The following TMEM150B variants were observed in gnomAD, a reference collection of about 807,000 sequenced individuals.
TMEM150B encodes transmembrane protein 150B, also known as modulator of macroautophagy TMEM150B.
In TMEM150B, 33 loss-of-function variants were observed where a neutral mutation model predicts 25.2. The observed-to-expected ratio is 1.31, with a 90% CI of 0.99 to 1.75. The LOEUF (loss-of-function observed/expected upper bound fraction) is 1.75. TMEM150B is among the 40% of genes most tolerant of loss of function. The pLI, the probability that TMEM150B is intolerant of heterozygous loss-of-function variation, is 0.00. For missense variants in TMEM150B, 322 were observed against 306.1 expected (o/e 1.05, Z -0.39); for synonymous variants, 133 against 134.8 (o/e 0.99, Z 0.09).
At chr19:55,317,764 AGAGT>A (rs1386569057) in intron 6 of TMEM150B, among the ~76,000 whole-genome samples, 3 of 148,280 alleles carry the variant, frequency 2.0e-5, no homozygotes, top group Non-Finnish European at 4.5e-5. Flanking sequence ...CTGGGCAACA[AGAGT>A]GAGACTCCAT....
At chr19:55,312,164 A>T, downstream of TMEM150B, 5 of 573,290 alleles carry the variant, frequency 8.7e-6, no homozygotes, top group East Asian at 3.5e-5. Context: ...ACATGTCGGG[A>T]GGGGGGTGGA....
At position 55,320,119 on chromosome 19, in the gene TMEM150B, C is replaced by T. The variant is rs1026946207; in HGVS notation, c.244G>A (p.Val82Ile). The T allele has an allele frequency of 6.2e-6, 10 of 1,614,010 alleles. No homozygotes were observed. Among genetic ancestry groups the T allele is most frequent in the South Asian group, 2.2e-5 (2 of 91,078 alleles). ...ATCAGCTGGTTAGGCCACCTTCTGA[C>T]GCCCCAGTCCCGGAGCTGGTGGTAA... ...VRYHQLRDWGVRRWPNQLILW... is the reference protein window; with the variant it reads ...VRYHQLRDWGIRRWPNQLILW... Residue 82 changes from valine to isoleucine, a missense_variant, in exon 6 of 8, where the codon GTC (valine) becomes ATC (isoleucine). Transcript: ENST00000326652.
chr19:55,316,829 G>A lies in TMEM150B; in HGVS notation c.462C>T (p.Leu154=). 6.3e-7 allele frequency: 1 copy of A among 1,579,156 alleles called. No homozygotes were observed. The highest frequency in any genetic ancestry group is 8.6e-7 in the Non-Finnish European group (1 of 1,168,342). Residue 154 remains leucine (L), a synonymous_variant, in exon 7 of 8, where the codon CTC becomes CTT. Transcript: ENST00000326652. ...PQPGAAWIGP[L]RLGLCSVCTI... ...TGCAGACGCTGCAGAGGCCCAGGCGGAGGGGCCCAATCCAGGCAGCCCCGG... is the reference window on the plus strand; with the variant it reads ...TGCAGACGCTGCAGAGGCCCAGGCGAAGGGGCCCAATCCAGGCAGCCCCGG...
chr19:55,315,377 A>G (rs2088962310), intron 7 of TMEM150B, among the ~76,000 whole-genome samples: 1 of 151,644 alleles, frequency 6.6e-6, no homozygotes, highest in Admixed American at 6.6e-5. Context: ...CATGCCTGCA[A>G]TCCCAGAACT....
chr19:55,322,441 G>A (rs1346761840), intron 2 of TMEM150B, among the ~76,000 whole-genome samples: 1 of 152,068 alleles, frequency 6.6e-6, no homozygotes, highest in South Asian at 2.1e-4. Context: ...TTGTGGCCAC[G>A]GCCTCTGGGC....
intron 1 of TMEM150B, among the ~76,000 whole-genome samples, chr19:55,324,075 T>C (rs1179330711): frequency 2.0e-5 from 3 of 152,078 alleles, no homozygotes; most frequent in African/African-American, 7.2e-5. Flanking sequence ...CCCAAAGTGC[T>C]GGGATTACAG....
At chr19:55,317,741 A>G (rs1004311645) in intron 6 of TMEM150B, among the ~76,000 whole-genome samples, 2 of 151,606 alleles carry the variant, frequency 1.3e-5, no homozygotes, top group Admixed American at 6.6e-5. Flanking sequence ...AGATCGCACC[A>G]TTGCACTCCA....
downstream of TMEM150B, chr19:55,312,014 A>G: frequency 1.4e-6 from 2 of 1,462,980 alleles, no homozygotes; most frequent in Non-Finnish European, 1.8e-6. Flanking sequence ...CTCCCCGCCG[A>G]GGCCCCCCCA....
At chr19:55,320,640 T>C (rs1313016656) in intron 3 of TMEM150B, 23 bp from the exon 4 acceptor site, 2 of 1,613,432 alleles carry the variant, frequency 1.2e-6, no homozygotes, top group East Asian at 4.5e-5. Flanking sequence ...TCAGAGTGAG[T>C]GGGCGACTCT....
chr19:55,312,969 G>A lies in TMEM150B; in HGVS notation c.592C>T (p.Leu198Phe). Reference sequence around the variant, plus strand: ...AGGGCGGAGAAGTCAACGGCTAAGAGACCGAAGAGCGCGAACAGCAGCATG... The same window carrying A: ...AGGGCGGAGAAGTCAACGGCTAAGAAACCGAAGAGCGCGAACAGCAGCATG... ...VAMLLFALFG[L>F]LAVDFSALES... is the part of the protein sequence containing the mutation. Residue 198 changes from leucine to phenylalanine, a missense_variant, in exon 8 of 8, where the codon CTC (leucine) becomes TTC (phenylalanine). Transcript: ENST00000326652. 1.9e-6 allele frequency: 3 copies of A among 1,613,616 alleles called. No individual in the cohort carries two copies. Among genetic ancestry groups the A allele is most frequent in the Non-Finnish European group, 2.5e-6 (3 of 1,179,826 alleles).
At position 55,312,872 on chromosome 19, in the gene TMEM150B, G is replaced by C; in HGVS notation, c.689C>G (p.Pro230Arg). ...TCAGGGTGCCTGCTACAGCTGGACC[G>C]GCAGGGAGATGGGGGAGGCCGGCGG... ...SPPPASPISL[P>R]VQL The change falls in exon 8 of 8, where the codon CCG (proline) becomes CGG (arginine). Residue 230 changes from proline (P) to arginine (R), a missense_variant. Physicochemically the swap from Pro to Arg is moderately radical, Grantham distance 103 (BLOSUM62 -2). Transcript: ENST00000326652. 6.3e-7 allele frequency: 1 copy of C among 1,592,636 alleles called. No individual in the cohort carries two copies. Among genetic ancestry groups the C allele is most frequent in the Non-Finnish European group, 8.5e-7 (1 of 1,170,830 alleles).
intron 6 of TMEM150B, 99 bp from the exon 7 acceptor site, chr19:55,317,065 C>A: frequency 9.2e-7 from 1 of 1,090,094 alleles, no homozygotes; most frequent in South Asian, 1.7e-5. Flanking sequence ...AGACAGTGGT[C>A]ACCAACTTTC....
At chr19:55,320,289 AG>A (rs2123115810) in intron 5 of TMEM150B, 101 bp downstream of exon 5, 1 of 1,506,700 alleles carries the variant, frequency 6.6e-7, no homozygotes, top group Admixed American at 2.1e-5. Flanking sequence ...TTGGGGAAAG[AG>A]GGGCCTGGGG....
intron 1 of TMEM150B, chr19:55,324,988 G>C: frequency 3.7e-6 from 2 of 538,466 alleles, no homozygotes; most frequent in Non-Finnish European, 4.7e-6. Context: ...CCTCAACACT[G>C]ATCTCCTGCC....
downstream of TMEM150B, among the ~76,000 whole-genome samples, chr19:55,309,666 C>A (rs1011376920): frequency 7.9e-5 from 12 of 152,204 alleles, no homozygotes; most frequent in African/African-American, 2.7e-4. Flanking sequence ...ACCTCATCAC[C>A]TCCTAACATA....
intron 1 of TMEM150B, chr19:55,324,833 T>C (rs1395821528): frequency 1.0e-6 from 1 of 985,272 alleles, no homozygotes; most frequent in Non-Finnish European, 1.2e-6. Flanking sequence ...GACATGAATC[T>C]GAGCCACCCC....
downstream of TMEM150B, among the ~76,000 whole-genome samples, chr19:55,310,955 C>G (rs1387843161): frequency 6.6e-6 from 1 of 151,954 alleles, no homozygotes; most frequent in Non-Finnish European, 1.5e-5. This position sits in a 1 kb window ranked among gnomAD's most constrained non-coding sequence, Gnocchi z 5.0. Context: ...TGACAAGCCC[C>G]CCAGTTTTTG....
intron 1 of TMEM150B, among the ~76,000 whole-genome samples, chr19:55,323,158 A>C (rs1274535180): frequency 6.6e-6 from 1 of 152,198 alleles, no homozygotes; most frequent in Non-Finnish European, 1.5e-5. Context: ...TCGGCCAGGC[A>C]CGGCGGCTCA....
At chr19:55,324,706 G>C in intron 1 of TMEM150B, 1 of 983,358 alleles carries the variant, frequency 1.0e-6, no homozygotes, top group East Asian at 1.1e-4. Flanking sequence ...GTCCCAGTGG[G>C]GCTGATAGAG....
Sources: gnomAD v4.1 joint callset for allele counts (sites outside exome capture counted in the v4.1 genomes callset) on GRCh38, gnomAD v4.1.1 for gene constraint, Gnocchi (gnomAD v3.1) non-coding constraint, MANE v1.5 for transcripts, NCBI Gene and HGNC (gene_info 2026-07-23, HGNC 2026-07-21) for gene names.